RAB11A: variants seen among roughly 807,000 people sequenced by gnomAD.
RAB11A encodes the protein ras-related protein Rab-11A.
In RAB11A, 9 loss-of-function variants were observed where a neutral mutation model predicts 28.0. That is an observed-to-expected ratio of 0.32 (90% CI 0.19 to 0.56). The LOEUF (loss-of-function observed/expected upper bound fraction) is 0.56, where lower values mean the gene tolerates loss of function less well. Among genes scored for constraint, RAB11A ranks in the 20% least tolerant of loss-of-function variants. The probability of loss-of-function intolerance (pLI) is 0.91; values close to 1 mark genes in which losing one functional copy is unlikely to be tolerated. For missense variants in RAB11A, 108 were observed against 269.6 expected (o/e 0.40, Z 4.20); for synonymous variants, 85 against 88.2 (o/e 0.96, Z 0.20).
intron 4 of RAB11A, among the ~76,000 whole-genome samples, chr15:65,883,016 C>A (rs544245304): frequency 2.0e-5 from 3 of 152,060 alleles, no homozygotes; most frequent in African/African-American, 7.2e-5. Context: ...CATATTTTTT[C>A]GGCACCATGT....
rs770983297 is a variant in RAB11A at position 65,887,681 on chromosome 15, T to C, written c.512-20T>C. On this transcript the variant is annotated intron_variant, in intron 4 of 4. Coordinates refer to ENST00000261890, the MANE Select transcript of RAB11A (RefSeq NM_004663.5). Reference sequence around the variant, plus strand: ...ATAGGTTTATTCACACTAAGTATTGTGGTTTCTTTTTTCCTTCAGAGATTT... The same window carrying C: ...ATAGGTTTATTCACACTAAGTATTGCGGTTTCTTTTTTCCTTCAGAGATTT... The C allele has an allele frequency of 2.5e-5, 40 of 1,601,152 alleles. No homozygotes were observed. The highest frequency in any genetic ancestry group is 2.7e-5 in the Non-Finnish European group (32 of 1,172,462).
At chr15:65,873,040 A>G (rs1418880705) in intron 1 of RAB11A, among the ~76,000 whole-genome samples, 1 of 152,216 alleles carries the variant, frequency 6.6e-6, no homozygotes, top group Non-Finnish European at 1.5e-5. Flanking sequence ...GAGTGGTCTA[A>G]ATAGGAATGT....
intron 1 of RAB11A, 49 bp downstream of exon 1, chr15:65,869,674 G>A (rs62014437): frequency 6.3e-7 from 1 of 1,576,348 alleles, no homozygotes. Flanking sequence ...TCGGGGACCC[G>A]GGCCACTCCC....
intron 1 of RAB11A, among the ~76,000 whole-genome samples, chr15:65,876,184 A>G (rs1487149276): frequency 6.6e-6 from 1 of 152,226 alleles, no homozygotes; most frequent in Admixed American, 6.5e-5. Context: ...GTTAGTAAAT[A>G]AACTGCTGCC....
At chr15:65,886,206 A>G (rs751132278) in intron 4 of RAB11A, among the ~76,000 whole-genome samples, 1 of 152,222 alleles carries the variant, frequency 6.6e-6, no homozygotes, top group Non-Finnish European at 1.5e-5. Context: ...GAGCCTTAAC[A>G]GATGGAATTG....
chr15:65,890,052 CTT>C lies in RAB11A; in HGVS notation c.*2214_*2215del, dbSNP rs947998571. ...TGACCTTGATTTTCAGTTATTTTAA[CTT>C]TGAATTTTTTTTTTTTTTTTTGAGA... On this transcript the variant is annotated 3_prime_UTR_variant, in exon 5 of 5. Transcript: ENST00000261890. 6.6e-5 allele frequency: 10 copies of C among 150,946 alleles called. No homozygotes were observed. Among genetic ancestry groups the C allele is most frequent in the African/African-American group, 2.4e-4 (10 of 41,090 alleles). 9.4% of individuals were successfully genotyped at this position (150,946 alleles called of 1,614,324 possible).
intron 4 of RAB11A, among the ~76,000 whole-genome samples, chr15:65,886,080 A>AGGAACTTCAGCTTC (rs2078254122): frequency 6.6e-6 from 1 of 152,240 alleles, no homozygotes; most frequent in African/African-American, 2.4e-5. Flanking sequence ...AGGCAGATGA[A>AGGAACTTCAGCTTC]GGAACTTCAG....
intron 1 of RAB11A, among the ~76,000 whole-genome samples, chr15:65,875,686 G>C (rs1272319645): frequency 1.3e-5 from 2 of 152,314 alleles, no homozygotes; most frequent in Admixed American, 6.5e-5. Context: ...AGAAAGATAT[G>C]CATTTGATAA....
intron 4 of RAB11A, among the ~76,000 whole-genome samples, chr15:65,885,394 G>A (rs1033934085): frequency 1.3e-5 from 2 of 152,026 alleles, no homozygotes; most frequent in South Asian, 2.1e-4. Flanking sequence ...CTAAAGTGCT[G>A]GGATTACAGG....
At chr15:65,887,618 A>G (rs989314191) in intron 4 of RAB11A, 83 bp from the exon 5 acceptor site, 4 of 1,337,378 alleles carry the variant, frequency 3.0e-6, no homozygotes, top group South Asian at 1.6e-5. Context: ...TGATGCAAAT[A>G]TATCTCCTAC....
chr15:65,873,178 T>C, intron 1 of RAB11A, among the ~76,000 whole-genome samples: 1 of 152,344 alleles, frequency 6.6e-6, no homozygotes, highest in African/African-American at 2.4e-5. Context: ...AGTTGACTTT[T>C]TATTTTTAAA....
chr15:65,873,673 C>G (rs1480235600), intron 1 of RAB11A, among the ~76,000 whole-genome samples: 4 of 152,048 alleles, frequency 2.6e-5, no homozygotes, highest in Admixed American at 2.6e-4. Flanking sequence ...CCTGCCTCAG[C>G]CTCCCAAGTA....
rs1289189332 is a variant in RAB11A at position 65,869,528 on chromosome 15, G to GC, written c.-53dup. 3 of 1,590,768 alleles carry GC rather than the reference G, an allele frequency of 1.9e-6. No individual in the cohort carries two copies. The highest frequency in any genetic ancestry group is 1.7e-6 in the Non-Finnish European group (2 of 1,170,204). Reference sequence around the variant, plus strand: ...GCGCTCGGGTTACCCCTGCAGCGACGCCCCCTGGTCCCACAGATACCACTG... The same window carrying GC: ...GCGCTCGGGTTACCCCTGCAGCGACGCCCCCCTGGTCCCACAGATACCACTG... On this transcript the variant is annotated 5_prime_UTR_variant, in exon 1 of 5. Coordinates refer to ENST00000261890, the MANE Select transcript of RAB11A (RefSeq NM_004663.5).
chr15:65,882,655 G>T (rs2078229760), intron 4 of RAB11A, among the ~76,000 whole-genome samples: 1 of 152,130 alleles, frequency 6.6e-6, no homozygotes, highest in Non-Finnish European at 1.5e-5. Flanking sequence ...GTTGGTTTCA[G>T]AATAGACCCA....
chr15:65,875,019 G>C (rs1327565184), intron 1 of RAB11A, among the ~76,000 whole-genome samples: 1 of 152,104 alleles, frequency 6.6e-6, no homozygotes, highest in African/African-American at 2.4e-5. Context: ...TGGCACTCCA[G>C]CCTGGGCGAC....
intron 4 of RAB11A, among the ~76,000 whole-genome samples, chr15:65,881,869 C>G: frequency 7.2e-6 from 1 of 139,554 alleles, no homozygotes; most frequent in South Asian, 2.3e-4. Flanking sequence ...ATGGTAAAAC[C>G]CTGTCTCTAA....
chr15:65,869,719 A>C (rs1308080154), intron 1 of RAB11A, 94 bp downstream of exon 1: 1 of 1,310,690 alleles, frequency 7.6e-7, no homozygotes, highest in African/African-American at 1.5e-5. Context: ...CTGCACTGAT[A>C]TAGGCCTCCC....
chr15:65,878,596 G>GTGAACC (rs1237638205), intron 3 of RAB11A, among the ~76,000 whole-genome samples: 1 of 152,266 alleles, frequency 6.6e-6, no homozygotes. Context: ...GGAGAATGGC[G>GTGAACC]TGAACCCGGG....
intron 1 of RAB11A, among the ~76,000 whole-genome samples, chr15:65,873,132 C>T (rs2078172906): frequency 6.6e-6 from 1 of 152,136 alleles, no homozygotes; most frequent in Non-Finnish European, 1.5e-5. Flanking sequence ...AATAGTGAGA[C>T]TTTTGGTGGG....
Sources: allele counts gnomAD v4.1 joint callset (sites outside exome capture counted in the v4.1 genomes callset), GRCh38; gene constraint gnomAD v4.1.1; transcripts MANE v1.5; gene names NCBI Gene and HGNC (gene_info 2026-07-23, HGNC 2026-07-21).